CDH9: variants seen among roughly 807,000 people sequenced by gnomAD.
The protein encoded by CDH9 is cadherin 9, also known as cadherin-9.
CDH9 carries 28 observed loss-of-function variants against 70.9 expected under a neutral mutation model. That is an observed-to-expected ratio of 0.40 (90% CI 0.29 to 0.54). The LOEUF (loss-of-function observed/expected upper bound fraction) is 0.54, where lower values mean the gene tolerates loss of function less well. Ranked by LOEUF, CDH9 falls within the 20% of genes least tolerant of loss-of-function variation. The pLI is 0.59. For missense variants in CDH9, 874 were observed against 984.4 expected (o/e 0.89, Z 1.50); for synonymous variants, 409 against 343.1 (o/e 1.19, Z -2.12).
intron 9 of CDH9, among the ~76,000 whole-genome samples, chr5:26,886,617 C>A (rs6897835): frequency 1.3e-5 from 2 of 152,014 alleles, no homozygotes; most frequent in Non-Finnish European, 2.9e-5. Context: ...GCTATGGACA[C>A]CATTACTATA....
chr5:27,030,844 T>C (rs1743299004), intron 1 of CDH9, among the ~76,000 whole-genome samples: 1 of 151,792 alleles, frequency 6.6e-6, no homozygotes, highest in Non-Finnish European at 1.5e-5. Context: ...ATATTAAATA[T>C]AGTGAGAGTA....
intron 1 of CDH9, among the ~76,000 whole-genome samples, chr5:27,027,272 T>C (rs560441611): frequency 1.3e-5 from 2 of 152,120 alleles, no homozygotes; most frequent in African/African-American, 4.8e-5. Context: ...TTCCATTGTG[T>C]GCTATGTCAA....
At chr5:26,890,631 G>GC (rs775554905) in intron 7 of CDH9, 67 bp from the exon 8 acceptor site, 1 of 1,114,156 alleles carries the variant, frequency 9.0e-7, no homozygotes, top group East Asian at 2.4e-5. Context: ...CTTTCTTAAA[G>GC]CTATAGGTAA....
intron 2 of CDH9, among the ~76,000 whole-genome samples, chr5:26,982,746 C>T (rs941067509): frequency 1.3e-5 from 2 of 151,870 alleles, no homozygotes; most frequent in Admixed American, 6.6e-5. Flanking sequence ...TCGATCTCGG[C>T]TCACTGGCTC....
intron 1 of CDH9, among the ~76,000 whole-genome samples, chr5:26,994,878 T>C (rs1455017928): frequency 6.6e-6 from 1 of 152,166 alleles, no homozygotes; most frequent in Non-Finnish European, 1.5e-5. Context: ...CCTGCATCTA[T>C]CTTATCTCGC....
chr5:26,938,406 G>T (rs1481020159), intron 2 of CDH9, among the ~76,000 whole-genome samples: 1 of 151,934 alleles, frequency 6.6e-6, no homozygotes, highest in Admixed American at 6.6e-5. Context: ...TTAAAATCTT[G>T]CTCAACACAT....
At chr5:26,902,322 T>C (rs1011405146) in intron 7 of CDH9, among the ~76,000 whole-genome samples, 154 bp downstream of exon 7, 1 of 152,088 alleles carries the variant, frequency 6.6e-6, no homozygotes, top group African/African-American at 2.4e-5. Flanking sequence ...TTATACATTG[T>C]GCAACCATTT....
chr5:26,912,150 T>C (rs577853953), intron 3 of CDH9, among the ~76,000 whole-genome samples: 1 of 152,216 alleles, frequency 6.6e-6, no homozygotes, highest in African/African-American at 2.4e-5. Flanking sequence ...AATGAAAATA[T>C]CTTGTACTAT....
rs770456107 is a variant in CDH9 at position 26,903,721 on chromosome 5, A to G, written c.915T>C (p.Tyr305=). The G allele has an allele frequency of 1.7e-5, 27 of 1,605,130 alleles. No individual in the cohort carries two copies. The highest frequency in any genetic ancestry group is 2.2e-5 in the Non-Finnish European group (26 of 1,173,306). ...CTGCACCATCTCCTTCAGCAATGCT[A>G]TACTCCATTTCTGCATTTTCCCCCA... ...PDVGENAEME[Y]SIAEGDGADM... The change falls in exon 6 of 12, where the codon TAT becomes TAC. Residue 305 remains tyrosine (Y), a synonymous_variant. Coordinates refer to ENST00000231021, the MANE Select transcript of CDH9 (RefSeq NM_016279.4).
Position 26,881,337 on chromosome 5 carries a change from G to GT in CDH9, c.2168dup (p.Asn723LysfsTer11), listed in dbSNP as rs1392867921. The GT allele has an allele frequency of 6.2e-7, 1 of 1,612,970 alleles. No homozygotes were observed. Among genetic ancestry groups the GT allele is most frequent in the East Asian group, 2.2e-5 (1 of 44,870 alleles). ...ATGGAGGTGCACTTGGGTCTGCGTC[G>GT]TTTTCTTTTAATCTTCGATGGATAA... On this transcript the variant is annotated frameshift_variant, in exon 12 of 12. Coordinates refer to ENST00000231021, the MANE Select transcript of CDH9 (RefSeq NM_016279.4). LOFTEE classifies it high-confidence loss of function.
chr5:27,029,294 G>C (rs1460792630), intron 1 of CDH9, among the ~76,000 whole-genome samples: 1 of 151,918 alleles, frequency 6.6e-6, no homozygotes, highest in Non-Finnish European at 1.5e-5. Flanking sequence ...GTTAGTTCCT[G>C]GTAGGATATG....
intron 2 of CDH9, among the ~76,000 whole-genome samples, chr5:26,974,721 G>A (rs952956864): frequency 6.6e-6 from 1 of 151,916 alleles, no homozygotes; most frequent in African/African-American, 2.4e-5. Context: ...ATCTACTTAA[G>A]GTGTACAATA....
intron 1 of CDH9, among the ~76,000 whole-genome samples, chr5:27,001,842 A>ACTCTCTCTCTCTCT (rs1430161167): frequency 2.9e-4 from 36 of 125,930 alleles, no homozygotes; most frequent in African/African-American, 1.1e-3. Flanking sequence ...ACACACACAC[A>ACTCTCTCTCTCTCT]CACTCTCTCT....
chr5:26,919,213 C>T (rs2112009500), intron 2 of CDH9, among the ~76,000 whole-genome samples: 1 of 152,264 alleles, frequency 6.6e-6, no homozygotes, highest in African/African-American at 2.4e-5. Flanking sequence ...ACTCTTCTCT[C>T]ATCCCCTTGC....
chr5:26,920,912 C>T (rs368763662), intron 2 of CDH9, among the ~76,000 whole-genome samples: 8 of 152,140 alleles, frequency 5.3e-5, no homozygotes, highest in African/African-American at 1.4e-4. Context: ...CAAGCACAGA[C>T]TGAAAAGACT....
intron 1 of CDH9, among the ~76,000 whole-genome samples, chr5:27,011,214 G>T (rs1006882224): frequency 3.3e-5 from 5 of 152,078 alleles, no homozygotes; most frequent in Non-Finnish European, 7.4e-5. Context: ...GTTATTTATA[G>T]GTTGAACTGT....
In CDH9 at chr5:26,915,924, G is replaced by A; in HGVS notation, c.229C>T (p.Leu77Phe). ...TCTCCTTTATCTTGGTCAGTGTGAA[G>A]CTTTAGAGAGGTAGAAAAGAAGAGT... is the stretch of plus-strand genomic sequence containing the variant. ...TGTDTQYVGK[L>F]HTDQDKGDGN... The change falls in exon 3 of 12, where the codon CTT becomes TTT. Residue 77 changes from leucine to phenylalanine, a missense_variant and splice_region_variant. By Grantham distance (22) the Leu-to-Phe change is conservative. Transcript: ENST00000231021. 6.3e-7 allele frequency: 1 copy of A among 1,579,752 alleles called. No individual in the cohort carries two copies. The highest frequency in any genetic ancestry group is 8.6e-7 in the Non-Finnish European group (1 of 1,161,116).
Sources: gnomAD v4.1 joint callset for allele counts (sites outside exome capture counted in the v4.1 genomes callset) on GRCh38, gnomAD v4.1.1 for gene constraint, MANE v1.5 for transcripts, NCBI Gene and HGNC (gene_info 2026-07-23, HGNC 2026-07-21) for gene names.